TBC1D19: variants seen among roughly 807,000 people sequenced by gnomAD.
The protein encoded by TBC1D19 is TBC1 domain family, member 19.
A neutral mutation model predicts 89.0 loss-of-function variants in TBC1D19; 60 were observed. The observed-to-expected ratio is 0.67, with a 90% CI of 0.55 to 0.84. The LOEUF is 0.84. Among genes scored for constraint, TBC1D19 ranks in the 40% least tolerant of loss-of-function variants. TBC1D19 has a pLI of 0.00. For synonymous variants in TBC1D19, 189 were observed against 199.7 expected, an observed-to-expected ratio of 0.95 and a Z score of 0.45; for missense variants, 500 against 610.8, an observed-to-expected ratio of 0.82 and a Z score of 1.91.
At chr4:26,770,410 A>G in the TBC1D19 span, among the ~76,000 whole-genome samples, 2 of 152,180 alleles carry the variant, frequency 1.3e-5, no homozygotes, top group South Asian at 4.1e-4. Context: ...AGCAAAACTG[A>G]TAGAATTGCA....
the TBC1D19 span, among the ~76,000 whole-genome samples, chr4:26,792,992 G>A: frequency 0.025 from 3,731 of 152,270 alleles, 138 homozygotes; most frequent in African/African-American, 0.077. Flanking sequence ...CAAGTCAAAA[G>A]TTCAAACTGC....
At chr4:26,649,862 C>T (rs1044172784) in intron 7 of TBC1D19, among the ~76,000 whole-genome samples, 2 of 152,010 alleles carry the variant, frequency 1.3e-5, no homozygotes, top group African/African-American at 4.8e-5. Flanking sequence ...TCCCTCCCCT[C>T]TCCCCCAACC....
chr4:26,637,350 G>GTTA (rs1458828124), intron 5 of TBC1D19, 65 bp downstream of exon 5: 2 of 1,250,392 alleles, frequency 1.6e-6, no homozygotes, highest in Non-Finnish European at 2.3e-6. Context: ...GTATCATGAA[G>GTTA]TTATATAACT....
chr4:26,627,077 C>G (rs1004834810), intron 4 of TBC1D19, among the ~76,000 whole-genome samples: 1 of 151,532 alleles, frequency 6.6e-6, no homozygotes, highest in African/African-American at 2.4e-5. Context: ...GTGTGATGTT[C>G]CCCTTCCTGT....
chr4:26,852,705 T>C, the TBC1D19 span, among the ~76,000 whole-genome samples: 4 of 149,324 alleles, frequency 2.7e-5, no homozygotes, highest in Admixed American at 1.3e-4. Context: ...CTGCAACCTC[T>C]GCCTCCCGGG....
At chr4:26,790,554 A>G in the TBC1D19 span, among the ~76,000 whole-genome samples, 1 of 133,738 alleles carries the variant, frequency 7.5e-6, no homozygotes, top group Non-Finnish European at 1.5e-5. Flanking sequence ...TGGATGCATA[A>G]ATAGATAGAT....
intron 7 of TBC1D19, among the ~76,000 whole-genome samples, chr4:26,653,972 T>C (rs752856773): frequency 2.0e-5 from 3 of 152,230 alleles, no homozygotes; most frequent in Admixed American, 6.5e-5. Context: ...CTAGCCTTGA[T>C]GGTCTTTACA....
chr4:26,782,453 G>C, the TBC1D19 span, among the ~76,000 whole-genome samples: 1 of 152,174 alleles, frequency 6.6e-6, no homozygotes, highest in Non-Finnish European at 1.5e-5. Context: ...AGCTTGTCCA[G>C]ATGTGGAACC....
upstream of TBC1D19, among the ~76,000 whole-genome samples, chr4:26,581,869 C>T (rs950656797): frequency 2.0e-5 from 3 of 151,980 alleles, no homozygotes; most frequent in Non-Finnish European, 4.4e-5. Flanking sequence ...TTTGCTAAAT[C>T]GAATTGGAAA....
intron 12 of TBC1D19, among the ~76,000 whole-genome samples, chr4:26,685,814 A>G (rs984833853): frequency 1.3e-5 from 2 of 152,236 alleles, no homozygotes; most frequent in Admixed American, 6.5e-5. Flanking sequence ...TTTGGCCTGT[A>G]AGACCATTAG....
intron 13 of TBC1D19, among the ~76,000 whole-genome samples, chr4:26,705,124 TTTGTTG>T (rs71186423): frequency 1.4e-3 from 210 of 151,478 alleles, no homozygotes; most frequent in African/African-American, 4.8e-3. Context: ...CTTGTTTTTT[TTTGTTG>T]TTGTTGTTGT....
chr4:26,832,409 A>C, the TBC1D19 span, among the ~76,000 whole-genome samples: 3 of 152,170 alleles, frequency 2.0e-5, no homozygotes, highest in Admixed American at 1.3e-4. Flanking sequence ...GGCTTGTCCA[A>C]CTGGGGAGAA....
At chr4:26,683,814 A>T in intron 12 of TBC1D19, 65 bp downstream of exon 12, 4 of 1,307,796 alleles carry the variant, frequency 3.1e-6, no homozygotes, top group Non-Finnish European at 4.3e-6. Flanking sequence ...ATTCTTCAGT[A>T]TGCAGAGCCT....
chr4:26,778,554 A>G, the TBC1D19 span, among the ~76,000 whole-genome samples: 1 of 152,190 alleles, frequency 6.6e-6, no homozygotes, highest in Non-Finnish European at 1.5e-5. Flanking sequence ...ACCAGAACCG[A>G]GGTCTGCTCA....
the TBC1D19 span, among the ~76,000 whole-genome samples, chr4:26,804,783 G>A: frequency 2.6e-5 from 4 of 152,226 alleles, no homozygotes; most frequent in Admixed American, 1.3e-4. Context: ...CCAATAAACG[G>A]GAAGCGGCAG....
At chr4:26,845,821 A>G in the TBC1D19 span, among the ~76,000 whole-genome samples, 4 of 152,318 alleles carry the variant, frequency 2.6e-5, no homozygotes, top group East Asian at 1.9e-4. Flanking sequence ...TTATAAAACC[A>G]TCAGATCTTA....
chr4:26,830,430 G>A, the TBC1D19 span, among the ~76,000 whole-genome samples: 1 of 152,138 alleles, frequency 6.6e-6, no homozygotes, highest in Non-Finnish European at 1.5e-5. Flanking sequence ...ACTACTAGTG[G>A]GGAGATGGAA....
At chr4:26,744,066 C>A (rs1265661818) in intron 18 of TBC1D19, among the ~76,000 whole-genome samples, 1 of 151,404 alleles carries the variant, frequency 6.6e-6, no homozygotes, top group African/African-American at 2.4e-5. Flanking sequence ...AATTTAATTT[C>A]TTTAATAGAT....
intron 7 of TBC1D19, among the ~76,000 whole-genome samples, chr4:26,648,741 T>C (rs868177594): frequency 6.6e-6 from 1 of 152,304 alleles, no homozygotes; most frequent in Middle Eastern, 3.4e-3. Context: ...TTTATGATGA[T>C]GGCTTTATTT....
Sources: allele counts gnomAD v4.1 joint callset (sites outside exome capture counted in the v4.1 genomes callset), GRCh38; gene constraint gnomAD v4.1.1; transcripts MANE v1.5; gene names NCBI Gene and HGNC (gene_info 2026-07-23, HGNC 2026-07-21).